FAM13B: variants seen among roughly 807,000 people sequenced by gnomAD.
FAM13B encodes protein FAM13B.
In FAM13B, 60 loss-of-function variants were observed where a neutral mutation model predicts 117.3. The ratio of observed to expected loss-of-function variants is 0.51; its 90% CI spans 0.42 to 0.63. The LOEUF is 0.63. Among genes scored for constraint, FAM13B ranks in the 30% least tolerant of loss-of-function variants. The probability of loss-of-function intolerance (pLI) is 0.00; values close to 1 mark genes in which losing one functional copy is unlikely to be tolerated. For missense variants in FAM13B, 972 were observed against 1,091.9 expected (o/e 0.89, Z 1.55); for synonymous variants, 332 against 356.1 (o/e 0.93, Z 0.76).
chr5:137,963,189 C>T (rs1239320648), intron 10 of FAM13B, among the ~76,000 whole-genome samples: 2 of 152,180 alleles, frequency 1.3e-5, no homozygotes, highest in African/African-American at 4.8e-5. Context: ...GCAAAAAAAG[C>T]TGTTAAAATA....
rs1777430300 is a variant in FAM13B at position 137,987,137 on chromosome 5, A to G, written c.1046+324T>C. On this transcript the variant is annotated intron_variant, in intron 9 of 23. Transcript: ENST00000689681. ...CTGTCTGTCTAGATCACTCTGTTGC[A>G]GAGTCTAATTTTTTAAAGTTATTTT... is the stretch of plus-strand genomic sequence containing the variant. 4.6e-5 allele frequency among the ~76,000 whole-genome samples: 7 copies of G among 152,322 alleles called. No individual in the cohort carries two copies. The South Asian group carries it at 1.4e-3, about 32-fold the overall frequency.
upstream of FAM13B, chr5:138,036,334 C>G: frequency 2.2e-6 from 1 of 454,048 alleles, no homozygotes; most frequent in South Asian, 1.6e-5. Context: ...ATGGCCCACA[C>G]CTGGTCCACA....
At chr5:137,980,445 T>C (rs1282556989) in intron 10 of FAM13B, among the ~76,000 whole-genome samples, 4 of 146,536 alleles carry the variant, frequency 2.7e-5, no homozygotes, top group East Asian at 2.0e-4. Flanking sequence ...AATTTCTTTT[T>C]TTTTTTTTTT....
In FAM13B at chr5:137,966,510, G is replaced by T. The variant is rs1335045350; in HGVS notation, c.1180-4041C>A. ...ATATAGAGAGAGAGAGAGAGAGAGA[G>T]AGAGAGAGAGAGAGGGAAAGAGAGA... On this transcript the variant is annotated intron_variant, in intron 10 of 23. Coordinates refer to ENST00000689681, the MANE Select transcript of FAM13B (RefSeq NM_001385994.1). Among the ~76,000 whole-genome samples, 36 of 144,260 alleles carry T rather than the reference G, an allele frequency of 2.5e-4. No homozygotes were observed. In the East Asian group the frequency reaches 7.2e-3, roughly 29 times the overall value. 94.6% of individuals were successfully genotyped at this position (144,260 alleles called of 152,430 possible). A position where few individuals can be genotyped will look rare whatever the true frequency, so the allele number is the denominator to read the frequency against.
intron 7 of FAM13B, among the ~76,000 whole-genome samples, chr5:138,006,412 T>C (rs1782589326): frequency 6.6e-6 from 1 of 152,146 alleles, no homozygotes; most frequent in Non-Finnish European, 1.5e-5. Context: ...TCTGGAAATA[T>C]TTATCAAAAG....
intron 1 of FAM13B, among the ~76,000 whole-genome samples, chr5:138,041,063 C>CAAAAAAAA: frequency 1.4e-5 from 1 of 70,464 alleles, no homozygotes. Context: ...GACTCCATCT[C>CAAAAAAAA]AAAAAAAAAA....
At chr5:137,941,161 G>A (rs1483280772) in intron 23 of FAM13B, among the ~76,000 whole-genome samples, 2 of 152,106 alleles carry the variant, frequency 1.3e-5, no homozygotes, top group African/African-American at 4.8e-5. Context: ...ACCCGCCTCA[G>A]CCTCCCAAAG....
intron 9 of FAM13B, among the ~76,000 whole-genome samples, chr5:137,987,214 G>T (rs564590945): frequency 6.6e-6 from 1 of 151,322 alleles, no homozygotes; most frequent in East Asian, 1.9e-4. Flanking sequence ...CGATGTTCAG[G>T]GGAAAAAAAA....
Position 138,032,791 on chromosome 5 carries a change from C to A in FAM13B, c.-212G>T, listed in dbSNP as rs1790511723. 1 of 985,682 alleles carries A rather than the reference C, an allele frequency of 1.0e-6. No homozygotes were observed. The highest frequency in any genetic ancestry group is 6.1e-5 in the Admixed American group (1 of 16,270). 61.1% of individuals were successfully genotyped at this position (985,682 alleles called of 1,614,324 possible). A position where few individuals can be genotyped will look rare whatever the true frequency, so the allele number is the denominator to read the frequency against. On this transcript the variant is annotated 5_prime_UTR_variant, in exon 1 of 24. Transcript: ENST00000689681. ...CCGCCCGTTTACCTACCGTTGGAAC[C>A]GCGATGCCCCGTTCCCTGGCCGCGG...
chr5:137,989,910 A>T (rs1328694588), intron 7 of FAM13B, among the ~76,000 whole-genome samples: 1 of 152,236 alleles, frequency 6.6e-6, no homozygotes, highest in Non-Finnish European at 1.5e-5. Context: ...AAACCCCAAA[A>T]CATGGTACAA....
chr5:137,963,155 G>A (rs1110481), intron 10 of FAM13B, among the ~76,000 whole-genome samples: 112,340 of 152,126 alleles, frequency 0.74, 42,137 homozygotes, highest in East Asian at 0.97. Flanking sequence ...TTTGTTTAGC[G>A]TGAAAGAAGG....
At chr5:137,941,683 A>G (rs1236512467) in intron 23 of FAM13B, among the ~76,000 whole-genome samples, 1 of 152,242 alleles carries the variant, frequency 6.6e-6, no homozygotes, top group Admixed American at 6.5e-5. Context: ...ATGTAGAATT[A>G]AAGAATATAA....
intron 7 of FAM13B, among the ~76,000 whole-genome samples, chr5:138,000,466 A>G (rs181352785): frequency 3.0e-4 from 45 of 152,310 alleles, no homozygotes; most frequent in Non-Finnish European, 3.2e-4. Flanking sequence ...ACCAATAGAT[A>G]TAACAAACTG....
chr5:137,989,725 G>C (rs1048433818), intron 7 of FAM13B, among the ~76,000 whole-genome samples: 1 of 152,174 alleles, frequency 6.6e-6, no homozygotes, highest in Admixed American at 6.5e-5. Context: ...CTACTTAGGA[G>C]GCTGAGGCAG....
upstream of FAM13B, among the ~76,000 whole-genome samples, chr5:138,034,772 C>T (rs1790923830): frequency 6.6e-6 from 1 of 152,090 alleles, no homozygotes; most frequent in South Asian, 2.1e-4. Context: ...GAAAGCTTTA[C>T]CTGTGATTCC....
At chr5:138,024,588 A>AG (rs1158981894) in intron 1 of FAM13B, among the ~76,000 whole-genome samples, 2 of 151,206 alleles carry the variant, frequency 1.3e-5, no homozygotes, top group Non-Finnish European at 2.9e-5. Flanking sequence ...CTAAAAAAAA[A>AG]AAAGAAAAAA....
intron 6 of FAM13B, among the ~76,000 whole-genome samples, chr5:138,008,816 C>T (rs978824287): frequency 6.6e-6 from 1 of 152,192 alleles, no homozygotes; most frequent in Non-Finnish European, 1.5e-5. Context: ...CTATCAAGCT[C>T]ACTAGTCAGA....
chr5:138,027,950 T>G (rs1001579844), intron 1 of FAM13B, among the ~76,000 whole-genome samples: 2 of 152,240 alleles, frequency 1.3e-5, no homozygotes, highest in African/African-American at 4.8e-5. Flanking sequence ...ATTGTAAGTT[T>G]CCTGGAGCCT....
At position 137,984,060 on chromosome 5, in the gene FAM13B, A is replaced by T. The variant is rs576258131; in HGVS notation, c.1179+1197T>A. On this transcript the variant is annotated intron_variant, in intron 10 of 23. Transcript: ENST00000689681. ...ACATTTAATGGCAATTATATTAAAA[A>T]AAGTTACTAACAAATGTGACAGTGA... Among the ~76,000 whole-genome samples, 19 of 152,362 alleles carry T rather than the reference A, an allele frequency of 1.2e-4. No homozygotes were observed. In the South Asian group the frequency reaches 3.3e-3, roughly 27 times the overall value.
Sources: gnomAD v4.1 joint callset for allele counts (sites outside exome capture counted in the v4.1 genomes callset) on GRCh38, gnomAD v4.1.1 for gene constraint, MANE v1.5 for transcripts, NCBI Gene and HGNC (gene_info 2026-07-23, HGNC 2026-07-21) for gene names.